The following TMEM117 variants were observed in gnomAD, a reference collection of about 807,000 sequenced individuals.
TMEM117 encodes transmembrane protein 117.
TMEM117 carries 27 observed loss-of-function variants against 52.4 expected under a neutral mutation model. The ratio of observed to expected loss-of-function variants is 0.51; its 90% CI spans 0.38 to 0.71. The LOEUF is 0.71. Ranked by LOEUF, TMEM117 falls within the 30% of genes least tolerant of loss-of-function variation. TMEM117 has a pLI of 0.00. For synonymous variants in TMEM117, 215 were observed against 206.3 expected (o/e 1.04, Z -0.36); for missense variants, 556 against 630.5 (o/e 0.88, Z 1.26).
At chr12:44,310,569 C>T (rs1361552657) in intron 6 of TMEM117, among the ~76,000 whole-genome samples, 5 of 152,134 alleles carry the variant, frequency 3.3e-5, no homozygotes, top group Admixed American at 6.5e-5. Flanking sequence ...ACCCTGGAGG[C>T]GGAGGTTGGG....
chr12:43,803,960 A>G, the TMEM117 span, among the ~76,000 whole-genome samples: 1 of 152,092 alleles, frequency 6.6e-6, no homozygotes, highest in African/African-American at 2.4e-5. Flanking sequence ...CTCCCACTCA[A>G]CCAGATTCCC....
intron 2 of TMEM117, among the ~76,000 whole-genome samples, chr12:43,862,397 T>G (rs1173377509): frequency 6.6e-6 from 1 of 152,166 alleles, no homozygotes; most frequent in Non-Finnish European, 1.5e-5. Flanking sequence ...GACCTCATGA[T>G]CCACCTGCCT....
intron 3 of TMEM117, among the ~76,000 whole-genome samples, chr12:44,137,097 A>G (rs1421906562): frequency 3.2e-5 from 3 of 94,694 alleles, no homozygotes; most frequent in Non-Finnish European, 6.0e-5. Context: ...TTCATTTGCC[A>G]AAAAAAAAAA....
At chr12:44,168,792 C>T (rs760454449) in intron 4 of TMEM117, among the ~76,000 whole-genome samples, 3 of 152,108 alleles carry the variant, frequency 2.0e-5, no homozygotes, top group African/African-American at 7.2e-5. Flanking sequence ...GGAACCGGAA[C>T]CACCATTCAT....
At chr12:44,296,539 G>A (rs961446358) in intron 5 of TMEM117, among the ~76,000 whole-genome samples, 4 of 152,194 alleles carry the variant, frequency 2.6e-5, no homozygotes. Flanking sequence ...GGATAAGCAT[G>A]TTTCCTATAA....
intron 1 of TMEM117, among the ~76,000 whole-genome samples, chr12:43,839,661 A>G (rs1397281493): frequency 1.3e-5 from 2 of 152,178 alleles, no homozygotes; most frequent in African/African-American, 2.4e-5. Context: ...TACTGTGTTT[A>G]GTTTTTATCT....
chr12:44,398,069 C>A, the TMEM117 span, among the ~76,000 whole-genome samples: 1 of 150,596 alleles, frequency 6.6e-6, no homozygotes, highest in Non-Finnish European at 1.5e-5. Flanking sequence ...AGAGGGATTT[C>A]TGTGGGTGGT....
At chr12:44,157,672 A>G (rs1434077655) in intron 4 of TMEM117, among the ~76,000 whole-genome samples, 1 of 152,136 alleles carries the variant, frequency 6.6e-6, no homozygotes, top group African/African-American at 2.4e-5. Flanking sequence ...CTCTGCTTAT[A>G]GAAATTAAAA....
At position 44,360,996 on chromosome 12, in the gene TMEM117, C is replaced by T. The variant is rs144802708; in HGVS notation, c.769-15599C>T. Among the ~76,000 whole-genome samples the T allele has an allele frequency of 6.9e-3, 1,048 of 152,220 alleles. 9 individuals are homozygous for T. The highest frequency in any genetic ancestry group is 0.024 in the African/African-American group (999 of 41,554). On this transcript the variant is annotated intron_variant, in intron 6 of 7. Coordinates refer to ENST00000266534, the MANE Select transcript of TMEM117 (RefSeq NM_032256.3). ...CAAAGATATGAACTGAGCATTGAAGCAGTGCTAGAGATTGCATTTTCTATT... is the reference window on the plus strand; with the variant it reads ...CAAAGATATGAACTGAGCATTGAAGTAGTGCTAGAGATTGCATTTTCTATT...
At chr12:44,349,444 C>T (rs1054881844) in intron 6 of TMEM117, among the ~76,000 whole-genome samples, 3 of 152,134 alleles carry the variant, frequency 2.0e-5, no homozygotes, top group African/African-American at 7.2e-5. Context: ...CTGGGTACTT[C>T]AGCTGAATTG....
At chr12:44,198,625 T>G (rs1376628906) in intron 4 of TMEM117, among the ~76,000 whole-genome samples, 1 of 152,158 alleles carries the variant, frequency 6.6e-6, no homozygotes, top group African/African-American at 2.4e-5. Context: ...AAGATTTATT[T>G]CATAAGTAGT....
intron 5 of TMEM117, among the ~76,000 whole-genome samples, chr12:44,236,163 G>T (rs1255714992): frequency 3.4e-5 from 5 of 145,214 alleles, no homozygotes; most frequent in Non-Finnish European, 5.9e-5. Context: ...AAATGTTTTA[G>T]TTTCTAGCAT....
intron 3 of TMEM117, among the ~76,000 whole-genome samples, chr12:44,119,189 G>A (rs1469845565): frequency 6.6e-6 from 1 of 152,170 alleles, no homozygotes; most frequent in East Asian, 1.9e-4. Context: ...AATTCTGGTT[G>A]TGTTAATCAC....
intron 5 of TMEM117, among the ~76,000 whole-genome samples, chr12:44,242,923 G>C (rs367729127): frequency 6.6e-6 from 1 of 151,482 alleles, no homozygotes; most frequent in African/African-American, 2.4e-5. Context: ...TCGTGAGCAC[G>C]TGTTGTTTAC....
At chr12:44,152,313 CAT>C (rs1948747448) in intron 4 of TMEM117, among the ~76,000 whole-genome samples, 1 of 99,582 alleles carries the variant, frequency 1.0e-5, no homozygotes, top group Non-Finnish European at 1.7e-5. Flanking sequence ...TATATATAAT[CAT>C]ATCATATAAA....
In TMEM117 at chr12:44,211,286, T is replaced by G; in HGVS notation, c.511-4T>G. ...TGCTGAATAAGTTCCTTTCATTGCT[T>G]CAGGTCACTGATATGATGCTTCAGG... is the stretch of plus-strand genomic sequence containing the variant. On this transcript the variant is annotated splice_polypyrimidine_tract_variant and splice_region_variant and intron_variant, in intron 4 of 7. Transcript: ENST00000266534. The G allele has an allele frequency of 6.2e-7, 1 of 1,601,926 alleles. No homozygotes were observed. Among genetic ancestry groups the G allele is most frequent in the Admixed American group, 1.7e-5 (1 of 58,878 alleles).
chr12:44,168,529 C>T (rs1949001041), intron 4 of TMEM117, among the ~76,000 whole-genome samples: 1 of 152,078 alleles, frequency 6.6e-6, no homozygotes, highest in African/African-American at 2.4e-5. Flanking sequence ...TCATAACATA[C>T]TTTAATTAAC....
chr12:43,963,438 A>G (rs979923544), intron 3 of TMEM117, among the ~76,000 whole-genome samples: 1 of 152,228 alleles, frequency 6.6e-6, no homozygotes, highest in Non-Finnish European at 1.5e-5. Context: ...AGTTCATAAA[A>G]CTGAGACATC....
At chr12:44,235,746 G>A (rs1949988142) in intron 5 of TMEM117, among the ~76,000 whole-genome samples, 1 of 151,384 alleles carries the variant, frequency 6.6e-6, no homozygotes, top group Non-Finnish European at 1.5e-5. Context: ...TAAAGTACAG[G>A]TCTGTTAGTT....
Sources: gnomAD v4.1 joint callset for allele counts (sites outside exome capture counted in the v4.1 genomes callset) on GRCh38, gnomAD v4.1.1 for gene constraint, MANE v1.5 for transcripts, NCBI Gene and HGNC (gene_info 2026-07-23, HGNC 2026-07-21) for gene names.